The following ST6GALNAC3 variants were observed in gnomAD, a reference collection of about 807,000 sequenced individuals.
ST6GALNAC3 encodes the protein alpha-N-acetylgalactosaminide alpha-2,6-sialyltransferase 3.
A neutral mutation model predicts 32.7 loss-of-function variants in ST6GALNAC3; 25 were observed. That is an observed-to-expected ratio of 0.76 (90% CI 0.56 to 1.07). The LOEUF (loss-of-function observed/expected upper bound fraction) is 1.07, where lower values mean the gene tolerates loss of function less well. Ranked by LOEUF, ST6GALNAC3 falls within the 50% of genes least tolerant of loss-of-function variation. The pLI, the probability that ST6GALNAC3 is intolerant of heterozygous loss-of-function variation, is 0.00. For missense variants in ST6GALNAC3, 355 were observed against 382.4 expected (o/e 0.93, Z 0.60); for synonymous variants, 129 against 133.1 (o/e 0.97, Z 0.21).
chr1:76,454,464 A>G (rs1422684754), intron 3 of ST6GALNAC3, among the ~76,000 whole-genome samples: 2 of 152,110 alleles, frequency 1.3e-5, no homozygotes, highest in East Asian at 3.9e-4. Flanking sequence ...AGCAGTTCTT[A>G]TAGTGCTAGC....
At chr1:76,588,624 C>T (rs955942230) in intron 3 of ST6GALNAC3, among the ~76,000 whole-genome samples, 3 of 152,154 alleles carry the variant, frequency 2.0e-5, no homozygotes, top group African/African-American at 7.2e-5. Flanking sequence ...TTGGGGGCTC[C>T]CTTGACAACT....
At chr1:76,194,784 C>T (rs1383308539) in intron 1 of ST6GALNAC3, among the ~76,000 whole-genome samples, 1 of 152,164 alleles carries the variant, frequency 6.6e-6, no homozygotes, top group African/African-American at 2.4e-5. Context: ...TTTGTTACTA[C>T]AGCAAAACTC....
intron 3 of ST6GALNAC3, among the ~76,000 whole-genome samples, chr1:76,602,800 G>A (rs1219389855): frequency 2.6e-5 from 4 of 151,244 alleles, no homozygotes; most frequent in African/African-American, 9.7e-5. Flanking sequence ...GAGATAAAAA[G>A]CAAACACACA....
intron 2 of ST6GALNAC3, among the ~76,000 whole-genome samples, chr1:76,389,039 C>T (rs1480493715): frequency 1.6e-5 from 1 of 63,120 alleles, no homozygotes; most frequent in South Asian, 4.6e-4. Flanking sequence ...GAGACAGAGT[C>T]CCCCTCAGTA....
At chr1:76,486,996 G>T (rs1320866843) in intron 3 of ST6GALNAC3, among the ~76,000 whole-genome samples, 2 of 152,112 alleles carry the variant, frequency 1.3e-5, no homozygotes, top group African/African-American at 4.8e-5. Flanking sequence ...GCTTAGTTTG[G>T]CTGGATATGA....
At chr1:76,427,538 C>T (rs1655477030) in intron 3 of ST6GALNAC3, among the ~76,000 whole-genome samples, 1 of 152,080 alleles carries the variant, frequency 6.6e-6, no homozygotes, top group Non-Finnish European at 1.5e-5. Flanking sequence ...TTAATCGTAT[C>T]TCCAAACTAT....
At chr1:76,538,975 T>G (rs1401101071) in intron 3 of ST6GALNAC3, among the ~76,000 whole-genome samples, 1 of 152,112 alleles carries the variant, frequency 6.6e-6, no homozygotes, top group East Asian at 1.9e-4. Context: ...CTATTCCCAT[T>G]AAATTACCAT....
rs1040773635 is a variant in ST6GALNAC3, at chr1:76,440,510, A to G, written c.623+28093A>G. ...TGAAAGCAGAGATTATGCCAAGGGC[A>G]AAATATCCACTGCAGGTGTATCCTT... On this transcript the variant is annotated intron_variant, in intron 3 of 4. Coordinates refer to ENST00000328299, the MANE Select transcript of ST6GALNAC3 (RefSeq NM_152996.4). 2.6e-5 allele frequency among the ~76,000 whole-genome samples: 4 copies of G among 152,250 alleles called. No homozygotes were observed. In the East Asian group the frequency reaches 7.7e-4, roughly 29 times the overall value.
At chr1:76,405,034 G>A (rs1338400489) in intron 2 of ST6GALNAC3, among the ~76,000 whole-genome samples, 1 of 152,068 alleles carries the variant, frequency 6.6e-6, no homozygotes, top group East Asian at 1.9e-4. Context: ...TTTTCCGGAT[G>A]GGGCTAAAGT....
intron 3 of ST6GALNAC3, among the ~76,000 whole-genome samples, chr1:76,599,433 T>C (rs1478910290): frequency 6.6e-6 from 1 of 152,082 alleles, no homozygotes; most frequent in Non-Finnish European, 1.5e-5. Context: ...TTTGTCCCAA[T>C]GCTCTCCCTC....
chr1:76,143,186 C>G (rs1317121437), intron 1 of ST6GALNAC3, among the ~76,000 whole-genome samples: 1 of 152,110 alleles, frequency 6.6e-6, no homozygotes, highest in African/African-American at 2.4e-5. Flanking sequence ...GGGTTTAAAA[C>G]TAACTTTGGA....
At chr1:76,607,225 G>A (rs573734859) in intron 3 of ST6GALNAC3, among the ~76,000 whole-genome samples, 1 of 152,314 alleles carries the variant, frequency 6.6e-6, no homozygotes, top group South Asian at 2.1e-4. Context: ...GGAGCTGTAT[G>A]CCCTCTCCGG....
intron 3 of ST6GALNAC3, among the ~76,000 whole-genome samples, chr1:76,510,452 A>T (rs1370300824): frequency 6.6e-6 from 1 of 152,146 alleles, no homozygotes; most frequent in African/African-American, 2.4e-5. Context: ...ACAAGAACAT[A>T]TTATATAGGA....
At chr1:76,417,624 T>C (rs1654735578) in intron 3 of ST6GALNAC3, among the ~76,000 whole-genome samples, 1 of 152,212 alleles carries the variant, frequency 6.6e-6, no homozygotes, top group Non-Finnish European at 1.5e-5. Flanking sequence ...TGAGATATTC[T>C]GCTTTCCTAT....
intron 1 of ST6GALNAC3, among the ~76,000 whole-genome samples, chr1:76,264,155 G>A (rs1374473940): frequency 3.3e-5 from 5 of 152,126 alleles, no homozygotes; most frequent in African/African-American, 9.7e-5. Context: ...ACTTCTCAGC[G>A]AGTAGATAAT....
intron 3 of ST6GALNAC3, among the ~76,000 whole-genome samples, chr1:76,510,151 G>A (rs1415576779): frequency 6.6e-6 from 1 of 152,134 alleles, no homozygotes; most frequent in African/African-American, 2.4e-5. Flanking sequence ...CAAAGGCTTG[G>A]ATGGCATAGC....
At chr1:76,492,737 A>C (rs1449742338) in intron 3 of ST6GALNAC3, among the ~76,000 whole-genome samples, 1 of 152,172 alleles carries the variant, frequency 6.6e-6, no homozygotes, top group African/African-American at 2.4e-5. Flanking sequence ...GGCTGAAAAT[A>C]AGAGAATGAA....
At chr1:76,548,833 A>G (rs907946313) in intron 3 of ST6GALNAC3, among the ~76,000 whole-genome samples, 17 of 152,016 alleles carry the variant, frequency 1.1e-4, no homozygotes, top group African/African-American at 4.1e-4. Context: ...CATGGCATTT[A>G]CCATGATTTG....
chr1:76,622,170 GC>G (rs141341597), intron 3 of ST6GALNAC3, among the ~76,000 whole-genome samples: 17,114 of 151,924 alleles, frequency 0.11, 1,326 homozygotes, highest in Admixed American at 0.22. Flanking sequence ...TGAGCCAAAG[GC>G]CCCCAAAGGA....
Sources: gnomAD v4.1 joint callset for allele counts (sites outside exome capture counted in the v4.1 genomes callset) on GRCh38, gnomAD v4.1.1 for gene constraint, MANE v1.5 for transcripts, NCBI Gene and HGNC (gene_info 2026-07-23, HGNC 2026-07-21) for gene names.